Variants in ABHD2 observed in about 807,000 individuals in gnomAD.
ABHD2 encodes the protein monoacylglycerol lipase ABHD2.
A neutral mutation model predicts 48.1 loss-of-function variants in ABHD2; 20 were observed. The ratio of observed to expected loss-of-function variants is 0.42; its 90% CI spans 0.29 to 0.60. The LOEUF (loss-of-function observed/expected upper bound fraction) is 0.60. ABHD2 is among the 20% of genes least tolerant of loss of function. The probability of loss-of-function intolerance (pLI) is 0.24; values close to 1 mark genes in which losing one functional copy is unlikely to be tolerated. For synonymous variants in ABHD2, 209 were observed against 214.2 expected, an observed-to-expected ratio of 0.98 and a Z score of 0.21; for missense variants, 405 against 550.9, an observed-to-expected ratio of 0.74 and a Z score of 2.65.
chr15:89,093,065 CTGTGCAGAA>C (rs1410183674), intron 1 of ABHD2, among the ~76,000 whole-genome samples: 2 of 151,964 alleles, frequency 1.3e-5, no homozygotes, highest in East Asian at 3.9e-4. Context: ...GCCTTGCCGT[CTGTGCAGAA>C]TGTGCTAGCA....
chr15:89,062,461 G>A, the ABHD2 span, among the ~76,000 whole-genome samples: 3 of 151,912 alleles, frequency 2.0e-5, no homozygotes, highest in African/African-American at 4.8e-5. Flanking sequence ...CTTGGCTCAC[G>A]GTAGCCTTGA....
chr15:89,152,018 A>C (rs566302289), intron 4 of ABHD2, among the ~76,000 whole-genome samples, 166 bp downstream of exon 4: 1 of 151,890 alleles, frequency 6.6e-6, no homozygotes, highest in African/African-American at 2.4e-5. Flanking sequence ...TGCAAAGGTT[A>C]GCTTCAGCGT....
intron 3 of ABHD2, among the ~76,000 whole-genome samples, chr15:89,130,239 T>A (rs1323177686): frequency 6.6e-6 from 1 of 152,202 alleles, no homozygotes; most frequent in Non-Finnish European, 1.5e-5. Context: ...AAATGTTTAT[T>A]TCTCACTCAT....
At chr15:89,123,575 T>C (rs2050084636) in intron 3 of ABHD2, among the ~76,000 whole-genome samples, 1 of 147,606 alleles carries the variant, frequency 6.8e-6, no homozygotes, top group South Asian at 2.1e-4. Context: ...TTTTTTTTTC[T>C]CCTTTCTTTC....
chr15:89,102,357 A>G lies in ABHD2; in HGVS notation c.-106-11368A>G, dbSNP rs181325440. On this transcript the variant is annotated intron_variant, in intron 1 of 10. Transcript: ENST00000352732. This position sits in a 1 kb window ranked among gnomAD's most constrained non-coding sequence, Gnocchi z 4.8. ...TGTTGTACTATTTTCCAATTGTTTT[A>G]TGGATGCTGTGTATCATACTTCTTT... 1 of 152,286 alleles carries G rather than the reference A, an allele frequency of 6.6e-6. No individual in the cohort carries two copies. The highest frequency in any genetic ancestry group is 1.9e-4 in the East Asian group (1 of 5,180). The allele number at this position is 152,286 out of a possible 1,614,324, so 9.4% of individuals were successfully genotyped here. A position where few individuals can be genotyped will look rare whatever the true frequency, so the allele number is the denominator to read the frequency against.
intron 6 of ABHD2, among the ~76,000 whole-genome samples, chr15:89,180,808 T>A (rs549405133): frequency 2.6e-5 from 4 of 152,272 alleles, no homozygotes; most frequent in African/African-American, 4.8e-5. Flanking sequence ...AAATTAGAAA[T>A]AATCCACATG....
At chr15:89,064,016 C>G in the ABHD2 span, among the ~76,000 whole-genome samples, 1 of 152,006 alleles carries the variant, frequency 6.6e-6, no homozygotes, top group Non-Finnish European at 1.5e-5. Flanking sequence ...CCCATTACCC[C>G]TCCCCCAAGC....
chr15:89,158,336 A>G (rs570353354), intron 5 of ABHD2, among the ~76,000 whole-genome samples: 11 of 152,358 alleles, frequency 7.2e-5, no homozygotes, highest in Admixed American at 2.6e-4. Context: ...CAGAGATAGC[A>G]GAGTAACTGG....
At chr15:89,051,232 T>G in the ABHD2 span, among the ~76,000 whole-genome samples, 2 of 152,146 alleles carry the variant, frequency 1.3e-5, no homozygotes, top group African/African-American at 4.8e-5. Flanking sequence ...AAACTCTGTC[T>G]CAATAATAAT....
the ABHD2 span, among the ~76,000 whole-genome samples, chr15:89,079,885 G>A: frequency 5.7e-4 from 87 of 152,298 alleles, 1 homozygote; most frequent in Admixed American, 4.4e-3. This position sits in a 1 kb window ranked among gnomAD's most constrained non-coding sequence, Gnocchi z 4.3. Context: ...ACTATATCTC[G>A]CTGGGAGGGC....
chr15:89,171,917 T>C (rs1302871494), intron 5 of ABHD2, among the ~76,000 whole-genome samples: 2 of 152,164 alleles, frequency 1.3e-5, no homozygotes, highest in African/African-American at 4.8e-5. Flanking sequence ...CAGGCATTAG[T>C]ATGGGTGTTT....
At chr15:89,064,596 C>T in the ABHD2 span, among the ~76,000 whole-genome samples, 1 of 151,986 alleles carries the variant, frequency 6.6e-6, no homozygotes, top group Non-Finnish European at 1.5e-5. Context: ...CTGCTTTTTC[C>T]ACTTAATATA....
Position 89,177,929 on chromosome 15 carries a change from G to A in ABHD2, c.722+1934G>A, listed in dbSNP as rs2051043072. Among the ~76,000 whole-genome samples, 1 of 152,190 alleles carries A rather than the reference G, an allele frequency of 6.6e-6. No individual in the cohort carries two copies. Among genetic ancestry groups the A allele is most frequent in the Non-Finnish European group, 1.5e-5 (1 of 68,040 alleles). ...TCATTTTGCTGCAGTAGCGCCATCT[G>A]CTGTCAGCAAGAGCACATGATTGAC... On this transcript the variant is annotated intron_variant, in intron 6 of 10. Coordinates refer to ENST00000352732, the MANE Select transcript of ABHD2 (RefSeq NM_152924.5). This position sits in a 1 kb window ranked among gnomAD's most constrained non-coding sequence, Gnocchi z 5.6.
the ABHD2 span, among the ~76,000 whole-genome samples, chr15:89,078,917 A>G: frequency 6.6e-5 from 10 of 152,116 alleles, no homozygotes; most frequent in African/African-American, 2.4e-4. Context: ...CTTTTAATAG[A>G]CATGGGCATT....
rs912338958 is a variant in ABHD2, at chr15:89,146,887, A to G, written c.195-4790A>G. Among the ~76,000 whole-genome samples, 3 of 152,188 alleles carry G rather than the reference A, an allele frequency of 2.0e-5. No individual in the cohort carries two copies. The highest frequency in any genetic ancestry group is 1.9e-4 in the East Asian group (1 of 5,202). ...GTAATATATATTTGTCGTGTTTCCAATCAAAAATCTAAAATTTTTATAGAA... is the reference window on the plus strand; with the variant it reads ...GTAATATATATTTGTCGTGTTTCCAGTCAAAAATCTAAAATTTTTATAGAA... On this transcript the variant is annotated intron_variant, in intron 3 of 10. Transcript: ENST00000352732. This position sits in a 1 kb window ranked among gnomAD's most constrained non-coding sequence, Gnocchi z 4.2.
At chr15:89,140,194 C>T (rs934577689) in intron 3 of ABHD2, among the ~76,000 whole-genome samples, 4 of 152,180 alleles carry the variant, frequency 2.6e-5, no homozygotes, top group Admixed American at 1.3e-4. Context: ...CTTCCACTCA[C>T]GTGCTATGTT....
chr15:89,051,895 A>G, the ABHD2 span, among the ~76,000 whole-genome samples: 1 of 152,188 alleles, frequency 6.6e-6, no homozygotes, highest in Non-Finnish European at 1.5e-5. Flanking sequence ...TTGAGGGTAC[A>G]TATAGGGGAG....
chr15:89,134,719 CAT>C (rs2050275695), intron 3 of ABHD2, among the ~76,000 whole-genome samples: 1 of 152,014 alleles, frequency 6.6e-6, no homozygotes, highest in South Asian at 2.1e-4. Context: ...GGAAAATTGA[CAT>C]GTTTGTGATG....
chr15:89,085,822 C>T (rs543540128), upstream of ABHD2, among the ~76,000 whole-genome samples: 1 of 152,308 alleles, frequency 6.6e-6, no homozygotes, highest in South Asian at 2.1e-4. This position sits in a 1 kb window ranked among gnomAD's most constrained non-coding sequence, Gnocchi z 4.2. Context: ...TCATGCTTTT[C>T]AGGGCCTAAC....
Sources: gnomAD v4.1 joint callset for allele counts (sites outside exome capture counted in the v4.1 genomes callset) on GRCh38, gnomAD v4.1.1 for gene constraint, Gnocchi (gnomAD v3.1) non-coding constraint, MANE v1.5 for transcripts, NCBI Gene and HGNC (gene_info 2026-07-23, HGNC 2026-07-21) for gene names.